Variants in TBC1D31 observed in about 807,000 individuals in gnomAD.
TBC1D31 encodes WD repeat domain 67.
In TBC1D31, 99 loss-of-function variants were observed where a neutral mutation model predicts 132.9. The observed-to-expected ratio is 0.74, with a 90% CI of 0.63 to 0.88. TBC1D31 has a LOEUF of 0.88. TBC1D31 is among the 40% of genes least tolerant of loss of function. TBC1D31 has a pLI of 0.00. For synonymous variants in TBC1D31, 385 were observed against 419.4 expected, an observed-to-expected ratio of 0.92 and a Z score of 1.00; for missense variants, 1,134 against 1,256.6, an observed-to-expected ratio of 0.90 and a Z score of 1.48.
chr8:123,091,690 A>G (rs1044896099), intron 4 of TBC1D31, among the ~76,000 whole-genome samples: 10 of 152,204 alleles, frequency 6.6e-5, no homozygotes, highest in Admixed American at 3.3e-4. Context: ...TGCATTATAT[A>G]TGTGTGTGTG....
At position 123,128,420 on chromosome 8, in the gene TBC1D31, C is replaced by T; in HGVS notation, c.2024C>T (p.Pro675Leu). Reference protein sequence around the residue: ...VFVALTKGQYPVFNQYPKFIV... With the variant: ...VFVALTKGQYLVFNQYPKFIV... ...GTTGCACTGACAAAAGGGCAGTATC[C>T]AGTATTTAATCAATATCCAAAGTTT... is the stretch of plus-strand genomic sequence containing the variant. Residue 675 changes from proline (P) to leucine (L), a missense_variant, in exon 14 of 22, where the codon CCA becomes CTA. Physicochemically the swap from Pro to Leu is moderately conservative, Grantham distance 98. Coordinates refer to ENST00000287380, the MANE Select transcript of TBC1D31 (RefSeq NM_145647.4). The T allele has an allele frequency of 6.2e-7, 1 of 1,613,698 alleles. No individual in the cohort carries two copies. Among genetic ancestry groups the T allele is most frequent in the Non-Finnish European group, 8.5e-7 (1 of 1,179,722 alleles).
chr8:123,121,659 C>CT lies in TBC1D31; in HGVS notation c.1570+1473dup, dbSNP rs1184890591. On this transcript the variant is annotated intron_variant, in intron 11 of 21. Transcript: ENST00000287380. Reference sequence around the variant, plus strand: ...TCATCTGTCGCTCCTGCTCTCTTCACTTCCTGAAGCAGGTGCTGGAGCCCT... The same window carrying CT: ...TCATCTGTCGCTCCTGCTCTCTTCACTTTCCTGAAGCAGGTGCTGGAGCCCT... Among the ~76,000 whole-genome samples, 19 of 152,210 alleles carry CT rather than the reference C, an allele frequency of 1.2e-4. 1 individual carries two copies. The highest frequency in any genetic ancestry group is 1.2e-3 in the Admixed American group (19 of 15,280).
Position 123,128,487 on chromosome 8 carries a change from T to C in TBC1D31, c.2091T>C (p.Asn697=). ...YQTQERERIR[N]DELDYLRERQ... ...CACAGGAACGAGAAAGAATAAGGAA[T>C]GATGAATTGGATTACTTAAGAGAGA... The change falls in exon 14 of 22, where the codon AAT becomes AAC. Residue 697 remains asparagine, a synonymous_variant. Coordinates refer to ENST00000287380, the MANE Select transcript of TBC1D31 (RefSeq NM_145647.4). 1 of 1,610,622 alleles carries C rather than the reference T, an allele frequency of 6.2e-7. No homozygotes were observed. Among genetic ancestry groups the C allele is most frequent in the South Asian group, 1.1e-5 (1 of 90,966 alleles).
chr8:123,080,205 C>T (rs1469461701), intron 2 of TBC1D31, among the ~76,000 whole-genome samples: 2 of 152,158 alleles, frequency 1.3e-5, no homozygotes, highest in Non-Finnish European at 2.9e-5. Context: ...GTATTGCTAA[C>T]TCAAAAAGTG....
At chr8:123,124,872 G>A (rs1411508341) in intron 11 of TBC1D31, among the ~76,000 whole-genome samples, 1 of 150,964 alleles carries the variant, frequency 6.6e-6, no homozygotes, top group Non-Finnish European at 1.5e-5. Flanking sequence ...GGGAGGCAGA[G>A]GTTGCAATGA....
chr8:123,121,323 C>G (rs76421156), intron 11 of TBC1D31, among the ~76,000 whole-genome samples: 2,091 of 152,162 alleles, frequency 0.014, 42 homozygotes, highest in African/African-American at 0.048. Flanking sequence ...GTTCCCTTTG[C>G]GTAGATTTCC....
rs779990244 is a variant in TBC1D31, at chr8:123,077,141, C to T, written c.108C>T (p.Ser36=). ...GIIVNIIHNT[S]DYHPKVLRFL... ...TAGTGAACATTATTCACAACACTTCCGATTACCATCCAAAAGTTTTGCGAT... is the reference window on the plus strand; with the variant it reads ...TAGTGAACATTATTCACAACACTTCTGATTACCATCCAAAAGTTTTGCGAT... The change falls in exon 2 of 22, where the codon TCC becomes TCT. Residue 36 remains serine (S), a synonymous_variant. Transcript: ENST00000287380. 6.8e-6 allele frequency: 11 copies of T among 1,611,618 alleles called. No individual in the cohort carries two copies. The highest frequency in any genetic ancestry group is 2.2e-5 in the East Asian group (1 of 44,750).
At chr8:123,157,516 A>T in the TBC1D31 span, among the ~76,000 whole-genome samples, 1 of 151,474 alleles carries the variant, frequency 6.6e-6, no homozygotes, top group African/African-American at 2.4e-5. Context: ...GAGAAGGGGG[A>T]TTTTTCCTCC....
chr8:123,160,694 C>A, the TBC1D31 span, among the ~76,000 whole-genome samples: 2 of 152,194 alleles, frequency 1.3e-5, no homozygotes, highest in African/African-American at 4.8e-5. Context: ...CGCCACTAGC[C>A]GGTACAGGGT....
intron 11 of TBC1D31, among the ~76,000 whole-genome samples, chr8:123,124,822 A>G (rs1204882141): frequency 6.6e-6 from 1 of 151,576 alleles, no homozygotes; most frequent in Non-Finnish European, 1.5e-5. Context: ...CTCTAATCCC[A>G]GCTAATTGGG....
In TBC1D31 at chr8:123,126,687, G is replaced by A; in HGVS notation, c.1884G>A (p.Glu628=). ...GCTGTAATCTTAAAGATGACTTTGA[G>A]GTAACGGTCCTTGTTCTTAAGAGAA... ...LLSCNLKDDF[E]FFFHHRNNLD... Residue 628 remains glutamate, a splice_region_variant and synonymous_variant, in exon 13 of 22, where the codon GAG becomes GAA. Coordinates refer to ENST00000287380, the MANE Select transcript of TBC1D31 (RefSeq NM_145647.4). 6.2e-7 allele frequency: 1 copy of A among 1,605,294 alleles called. No individual in the cohort carries two copies. Among genetic ancestry groups the A allele is most frequent in the Non-Finnish European group, 8.5e-7 (1 of 1,176,708 alleles).
intron 19 of TBC1D31, among the ~76,000 whole-genome samples, chr8:123,143,673 A>G (rs941848583): frequency 1.3e-5 from 2 of 152,158 alleles, no homozygotes; most frequent in African/African-American, 2.4e-5. Context: ...ACCCCATCCC[A>G]GTGGCATGGA....
At chr8:123,117,887 C>G (rs913130464) in intron 10 of TBC1D31, among the ~76,000 whole-genome samples, 2 of 152,034 alleles carry the variant, frequency 1.3e-5, no homozygotes, top group African/African-American at 4.8e-5. Flanking sequence ...ATGATAGCAC[C>G]ACTACACTCC....
At chr8:123,155,453 A>G (rs1018467533), downstream of TBC1D31, among the ~76,000 whole-genome samples, 1 of 152,024 alleles carries the variant, frequency 6.6e-6, no homozygotes, top group Non-Finnish European at 1.5e-5. The surrounding 1 kb of genome is among the most constrained non-coding windows in gnomAD (Gnocchi z 4.1). Context: ...GCAGGGCGGT[A>G]GTAGTAGTAA....
At chr8:123,101,615 A>G (rs1438250291) in intron 7 of TBC1D31, among the ~76,000 whole-genome samples, 1 of 152,104 alleles carries the variant, frequency 6.6e-6, no homozygotes, top group Non-Finnish European at 1.5e-5. Flanking sequence ...GGGTTTCACA[A>G]TGTTGGTCAG....
the TBC1D31 span, among the ~76,000 whole-genome samples, chr8:123,160,424 G>GGGAGGAAGAGGGA: frequency 0.81 from 122,106 of 151,402 alleles, 49,642 homozygotes; most frequent in African/African-American, 0.91. Flanking sequence ...AGGAGAGGAG[G>GGGAGGAAGAGGGA]GGAGGGAGAG....
intron 5 of TBC1D31, among the ~76,000 whole-genome samples, chr8:123,096,443 T>G (rs992641059): frequency 6.6e-6 from 1 of 152,240 alleles, no homozygotes; most frequent in African/African-American, 2.4e-5. Context: ...GAATTCTTCC[T>G]CCAAGTCATC....
At chr8:123,153,593 C>G (rs987723264), downstream of TBC1D31, among the ~76,000 whole-genome samples, 1 of 152,190 alleles carries the variant, frequency 6.6e-6, no homozygotes, top group Non-Finnish European at 1.5e-5. Flanking sequence ...GTTGAATCCC[C>G]TCAGTCATAT....
intron 11 of TBC1D31, among the ~76,000 whole-genome samples, chr8:123,124,105 T>C (rs547623586): frequency 1.3e-5 from 2 of 151,978 alleles, no homozygotes. Context: ...TTTGTTGACA[T>C]TCTGAATGCT....
Sources: allele counts gnomAD v4.1 joint callset (sites outside exome capture counted in the v4.1 genomes callset), GRCh38; gene constraint gnomAD v4.1.1; non-coding constraint Gnocchi (gnomAD v3.1); transcripts MANE v1.5; gene names NCBI Gene and HGNC (gene_info 2026-07-23, HGNC 2026-07-21).